The following AKAP10 variants were observed in gnomAD, a reference collection of about 807,000 sequenced individuals.
The protein encoded by AKAP10 is A-kinase anchor protein 10, mitochondrial.
AKAP10 carries 24 observed loss-of-function variants against 80.8 expected under a neutral mutation model. The observed-to-expected ratio is 0.30, with a 90% CI of 0.22 to 0.42. AKAP10 has a LOEUF of 0.42. Among genes scored for constraint, AKAP10 ranks in the 10% least tolerant of loss-of-function variants. The pLI, the probability that AKAP10 is intolerant of heterozygous loss-of-function variation, is 1.00. For synonymous variants in AKAP10, 291 were observed against 277.7 expected (o/e 1.05, Z -0.48); for missense variants, 661 against 794.9 (o/e 0.83, Z 2.03).
chr17:19,970,822 T>C (rs1338483687), intron 1 of AKAP10, among the ~76,000 whole-genome samples: 2 of 148,132 alleles, frequency 1.4e-5, no homozygotes, highest in Non-Finnish European at 3.0e-5. Context: ...GACTCTGTCT[T>C]AAAAAAAAAA....
intron 3 of AKAP10, among the ~76,000 whole-genome samples, chr17:19,960,866 A>G (rs1281589682): frequency 6.6e-6 from 1 of 151,976 alleles, no homozygotes; most frequent in Non-Finnish European, 1.5e-5. Flanking sequence ...TATCTACTAA[A>G]TATACAAAAA....
intron 2 of AKAP10, among the ~76,000 whole-genome samples, chr17:19,967,745 T>A (rs368067942): frequency 6.6e-6 from 1 of 151,938 alleles, no homozygotes; most frequent in Non-Finnish European, 1.5e-5. Flanking sequence ...TAGCTGGGCA[T>A]GGTGGCGGCC....
At chr17:19,937,761 C>T (rs1339465766) in intron 8 of AKAP10, among the ~76,000 whole-genome samples, 1 of 152,292 alleles carries the variant, frequency 6.6e-6, no homozygotes, top group Non-Finnish European at 1.5e-5. Flanking sequence ...AACTGCATTC[C>T]AGTCCAAATT....
At chr17:19,971,636 A>G (rs2043499425) in intron 1 of AKAP10, among the ~76,000 whole-genome samples, 2 of 152,198 alleles carry the variant, frequency 1.3e-5, no homozygotes, top group African/African-American at 4.8e-5. Flanking sequence ...TATTCATTTT[A>G]GCTACTTAAT....
In AKAP10 at chr17:19,940,990, C is replaced by T. The variant is rs753945449; in HGVS notation, c.1082G>A (p.Arg361Gln). ...CTGGTATTTACAGAAATGGTGACTTCGCAGAAACTCACTAAAGTGCCTGCA... is the reference window on the plus strand; with the variant it reads ...CTGGTATTTACAGAAATGGTGACTTTGCAGAAACTCACTAAAGTGCCTGCA... ...MEQEHFSEFL[R>Q]SHHFCKYQIE... The change falls in exon 7 of 15, where the codon CGA (arginine) becomes CAA (glutamine). Residue 361 changes from arginine to glutamine, a missense_variant. Transcript: ENST00000225737. 2 of 1,604,892 alleles carry T rather than the reference C, an allele frequency of 1.2e-6. No homozygotes were observed. Among genetic ancestry groups the T allele is most frequent in the East Asian group, 2.2e-5 (1 of 44,544 alleles).
At chr17:19,957,082 C>T (rs1256538280) in intron 4 of AKAP10, among the ~76,000 whole-genome samples, 1 of 151,962 alleles carries the variant, frequency 6.6e-6, no homozygotes, top group Non-Finnish European at 1.5e-5. Context: ...AACATGAAGG[C>T]TGTCTAATCA....
chr17:19,919,669 G>C (rs1297021682), intron 12 of AKAP10, among the ~76,000 whole-genome samples: 2 of 150,460 alleles, frequency 1.3e-5, no homozygotes, highest in African/African-American at 4.9e-5. Flanking sequence ...GGGTGACAGA[G>C]CAAGAACTGT....
intron 10 of AKAP10, among the ~76,000 whole-genome samples, chr17:19,931,365 T>C (rs965938329): frequency 8.6e-5 from 13 of 151,502 alleles, no homozygotes; most frequent in African/African-American, 3.1e-4. Context: ...GATTAGAAGA[T>C]AGTAAGTAGG....
At position 19,958,510 on chromosome 17, in the gene AKAP10, T is replaced by C. The variant is rs1446698276; in HGVS notation, c.381A>G (p.Glu127=). ...ETKSSLSKTL[E]QVLHDTIVLP... ...GGACAATAGTGTCGTGCAAGACTTG[T>C]TCAAGGGTCTTAGAAAGGCTTGATT... The change falls in exon 4 of 15, where the codon GAA becomes GAG. Residue 127 remains glutamate (E), a synonymous_variant. Coordinates refer to ENST00000225737, the MANE Select transcript of AKAP10 (RefSeq NM_007202.4). The C allele has an allele frequency of 1.2e-6, 2 of 1,611,682 alleles. No homozygotes were observed. Among genetic ancestry groups the C allele is most frequent in the Admixed American group, 1.7e-5 (1 of 60,022 alleles).
intron 5 of AKAP10, chr17:19,947,069 C>T: frequency 4.2e-6 from 1 of 237,146 alleles, no homozygotes; most frequent in South Asian, 6.1e-5. Context: ...TCTGTCCCGC[C>T]CACTTCGTGC....
chr17:19,969,442 T>A (rs2043466654), intron 1 of AKAP10, among the ~76,000 whole-genome samples: 1 of 152,148 alleles, frequency 6.6e-6, no homozygotes. Context: ...GATAAGCTAA[T>A]ATGACATCCA....
At chr17:19,908,643 C>T (rs2042657350) in intron 14 of AKAP10, among the ~76,000 whole-genome samples, 1 of 152,012 alleles carries the variant, frequency 6.6e-6, no homozygotes, top group Admixed American at 6.6e-5. Context: ...GCTCTCTGAA[C>T]TTTGATTTTT....
chr17:19,949,671 G>A (rs1160985176), intron 4 of AKAP10, among the ~76,000 whole-genome samples: 2 of 151,528 alleles, frequency 1.3e-5, no homozygotes, highest in Non-Finnish European at 2.9e-5. Flanking sequence ...AGTAGGCTGA[G>A]GCAGGAGAAA....
chr17:19,942,399 A>T (rs1324728264), intron 5 of AKAP10, among the ~76,000 whole-genome samples: 1 of 152,210 alleles, frequency 6.6e-6, no homozygotes, highest in African/African-American at 2.4e-5. Flanking sequence ...TATCTAGTAA[A>T]CTGGCCCAAC....
intron 14 of AKAP10, among the ~76,000 whole-genome samples, chr17:19,908,722 C>T (rs1209168225): frequency 6.6e-6 from 1 of 151,106 alleles, no homozygotes; most frequent in Non-Finnish European, 1.5e-5. Context: ...TCACTGCAAC[C>T]TCCGCCTCCC....
At chr17:19,954,157 A>G (rs1033461216) in intron 4 of AKAP10, among the ~76,000 whole-genome samples, 1 of 152,228 alleles carries the variant, frequency 6.6e-6, no homozygotes, top group African/African-American at 2.4e-5. Flanking sequence ...AGTAAAAATA[A>G]AAACTTCCCA....
chr17:19,974,400 A>AT (rs913623417), intron 1 of AKAP10, among the ~76,000 whole-genome samples: 33 of 151,312 alleles, frequency 2.2e-4, no homozygotes, highest in African/African-American at 3.2e-4. Flanking sequence ...AAGTTTTGCG[A>AT]TTTTTTTTTA....
At chr17:19,959,097 C>A (rs533054439) in intron 3 of AKAP10, among the ~76,000 whole-genome samples, 34 of 152,170 alleles carry the variant, frequency 2.2e-4, no homozygotes, top group African/African-American at 7.9e-4. Context: ...CGGCAATCCA[C>A]CCACCTCGGC....
At chr17:19,971,524 A>T (rs2043497940) in intron 1 of AKAP10, among the ~76,000 whole-genome samples, 2 of 151,940 alleles carry the variant, frequency 1.3e-5, no homozygotes, top group African/African-American at 2.4e-5. Flanking sequence ...AAAAAAAAAA[A>T]TTAATTACAC....
Sources: gnomAD v4.1 joint callset for allele counts (sites outside exome capture counted in the v4.1 genomes callset) on GRCh38, gnomAD v4.1.1 for gene constraint, MANE v1.5 for transcripts, NCBI Gene and HGNC (gene_info 2026-07-23, HGNC 2026-07-21) for gene names.